Variants in FUT8 observed in about 807,000 individuals in gnomAD.
FUT8 encodes alpha-(1,6)-fucosyltransferase.
A neutral mutation model predicts 71.3 loss-of-function variants in FUT8; 29 were observed. The observed-to-expected ratio is 0.41, with a 90% CI of 0.30 to 0.55. The LOEUF (loss-of-function observed/expected upper bound fraction) is 0.55, where lower values mean the gene tolerates loss of function less well. FUT8 is among the 20% of genes least tolerant of loss of function. The pLI is 0.34. For synonymous variants in FUT8, 254 were observed against 239.3 expected (o/e 1.06, Z -0.57); for missense variants, 544 against 702.1 (o/e 0.77, Z 2.55).
intron 2 of FUT8, among the ~76,000 whole-genome samples, chr14:65,502,814 T>C (rs1052172545): frequency 2.0e-5 from 3 of 152,232 alleles, no homozygotes; most frequent in Non-Finnish European, 4.4e-5. Context: ...TCAATTTTAA[T>C]GTGTATATGA....
intron 7 of FUT8, among the ~76,000 whole-genome samples, chr14:65,677,156 GCGCGCA>G (rs1287284214): frequency 4.1e-4 from 48 of 115,666 alleles, no homozygotes; most frequent in African/African-American, 7.0e-4. Context: ...GTGTGTGCGC[GCGCGCA>G]TGCGCGCGCA....
At chr14:65,565,941 A>C (rs1886170830) in intron 3 of FUT8, among the ~76,000 whole-genome samples, 1 of 151,686 alleles carries the variant, frequency 6.6e-6, no homozygotes, top group Non-Finnish European at 1.5e-5. Context: ...ATTTATTAGT[A>C]ATATAAAATA....
chr14:65,634,808 A>C (rs1262800894), intron 6 of FUT8, among the ~76,000 whole-genome samples: 1 of 152,172 alleles, frequency 6.6e-6, no homozygotes, highest in Non-Finnish European at 1.5e-5. Context: ...TGCTTTGACT[A>C]TGCGGACTCT....
chr14:65,600,625 A>G (rs184311525), intron 3 of FUT8, among the ~76,000 whole-genome samples: 1 of 152,320 alleles, frequency 6.6e-6, no homozygotes, highest in African/African-American at 2.4e-5. Context: ...AAATATGCAT[A>G]AGACGATATT....
intron 2 of FUT8, among the ~76,000 whole-genome samples, chr14:65,525,125 T>C (rs1466332608): frequency 6.6e-6 from 1 of 152,202 alleles, no homozygotes; most frequent in African/African-American, 2.4e-5. Context: ...TGGGAATAGT[T>C]TCAGAAGGAA....
intron 3 of FUT8, among the ~76,000 whole-genome samples, chr14:65,583,444 T>C (rs558386583): frequency 4.1e-4 from 63 of 152,310 alleles, no homozygotes; most frequent in African/African-American, 1.3e-3. Context: ...AATTTTGCAT[T>C]TTCATGTCAT....
At chr14:65,501,977 CT>C (rs1370495614) in intron 2 of FUT8, among the ~76,000 whole-genome samples, 1 of 150,930 alleles carries the variant, frequency 6.6e-6, no homozygotes, top group Non-Finnish European at 1.5e-5. Flanking sequence ...GTGGTGTAAT[CT>C]TGGCTCTCTG....
intron 9 of FUT8, among the ~76,000 whole-genome samples, chr14:65,727,286 G>A (rs1021766933): frequency 3.9e-5 from 6 of 152,162 alleles, no homozygotes; most frequent in African/African-American, 1.4e-4. Flanking sequence ...CTTCTCTACT[G>A]CCCTAGCAGA....
chr14:65,507,589 C>T (rs72714464), intron 2 of FUT8, among the ~76,000 whole-genome samples: 1,985 of 152,286 alleles, frequency 0.013, 30 homozygotes, highest in South Asian at 0.058. Flanking sequence ...TTTCACTTAA[C>T]GCAGTGACCT....
rs1375159616 is a variant in FUT8 at position 65,731,185 on chromosome 14, C to A, written c.1260-2046C>A. 2.6e-5 allele frequency among the ~76,000 whole-genome samples: 4 copies of A among 152,190 alleles called. No homozygotes were observed. In the East Asian group the frequency reaches 7.7e-4, roughly 29 times the overall value. On this transcript the variant is annotated intron_variant, in intron 9 of 10. Coordinates refer to ENST00000673929, the MANE Select transcript of FUT8 (RefSeq NM_001371533.1). ...TGTGGCTCCTTATCTCAGGGAGTAA[C>A]CAACAGGTAGACAATATACATGTAA...
intron 7 of FUT8, among the ~76,000 whole-genome samples, chr14:65,700,392 T>TG (rs1334237192): frequency 7.9e-6 from 1 of 126,394 alleles, no homozygotes; most frequent in Non-Finnish European, 1.7e-5. Flanking sequence ...TTTTTTTTTT[T>TG]TTTTTTTTTT....
intron 3 of FUT8, among the ~76,000 whole-genome samples, chr14:65,585,972 G>C (rs1251298279): frequency 6.6e-6 from 1 of 152,138 alleles, no homozygotes; most frequent in African/African-American, 2.4e-5. Flanking sequence ...ATATGGACAA[G>C]CAAGAGATTA....
intron 2 of FUT8, among the ~76,000 whole-genome samples, chr14:65,494,705 A>T (rs1286813880): frequency 1.3e-5 from 2 of 152,102 alleles, no homozygotes; most frequent in African/African-American, 4.8e-5. Context: ...TCAACCCATC[A>T]TCTAGGTTTT....
intron 6 of FUT8, among the ~76,000 whole-genome samples, chr14:65,649,220 A>G (rs1891246553): frequency 6.6e-6 from 1 of 152,226 alleles, no homozygotes; most frequent in Non-Finnish European, 1.5e-5. Context: ...TCTAGTTAAC[A>G]TTCTGCCAAT....
At chr14:65,534,549 CTTT>C (rs71126760) in intron 2 of FUT8, among the ~76,000 whole-genome samples, 2 of 122,234 alleles carry the variant, frequency 1.6e-5, no homozygotes, top group Non-Finnish European at 1.7e-5. Flanking sequence ...GGCTGTTTTT[CTTT>C]TTTTTTTTTT....
intron 3 of FUT8, among the ~76,000 whole-genome samples, chr14:65,580,911 A>G (rs1887055502): frequency 6.6e-6 from 1 of 152,092 alleles, no homozygotes. Context: ...TCCAAAGAGT[A>G]TTGGCTACTG....
rs1385730942 is a variant in FUT8 at position 65,539,044 on chromosome 14, T to G, written c.-227-22293T>G. 2.6e-5 allele frequency among the ~76,000 whole-genome samples: 4 copies of G among 152,200 alleles called. No individual in the cohort carries two copies. The East Asian group carries it at 5.8e-4, about 22-fold the overall frequency. On this transcript the variant is annotated intron_variant, in intron 2 of 10. Coordinates refer to ENST00000673929, the MANE Select transcript of FUT8 (RefSeq NM_001371533.1). ...TGCTGGCCGATATAAAATGAAGACA[T>G]TTAATTATTCAAGATCTTTTAGATA...
chr14:65,456,632 T>G (rs2139563386), intron 2 of FUT8, among the ~76,000 whole-genome samples: 2 of 152,252 alleles, frequency 1.3e-5, no homozygotes, highest in South Asian at 2.1e-4. Flanking sequence ...CCCAGCACTT[T>G]GGGAGGCTGA....
the FUT8 span, among the ~76,000 whole-genome samples, chr14:65,397,380 A>T: frequency 6.6e-6 from 1 of 152,276 alleles, no homozygotes; most frequent in African/African-American, 2.4e-5. The surrounding 1 kb of genome is among the most constrained non-coding windows in gnomAD (Gnocchi z 4.2). Flanking sequence ...AATCTGGTGT[A>T]CAGCAGGTCC....
Sources: allele counts gnomAD v4.1 joint callset (sites outside exome capture counted in the v4.1 genomes callset), GRCh38; gene constraint gnomAD v4.1.1; non-coding constraint Gnocchi (gnomAD v3.1); transcripts MANE v1.5; gene names NCBI Gene and HGNC (gene_info 2026-07-23, HGNC 2026-07-21).